WDR72: variants seen among roughly 807,000 people sequenced by gnomAD.
WDR72 encodes the protein WD repeat domain 72, also known as WD repeat-containing protein 72.
Under a neutral mutation model 124.2 loss-of-function variants are expected in WDR72, and 120 were observed. The ratio of observed to expected loss-of-function variants is 0.97; its 90% CI spans 0.83 to 1.12. The LOEUF (loss-of-function observed/expected upper bound fraction) is 1.12. Ranked by LOEUF, WDR72 falls within the 50% of genes most tolerant of loss-of-function variation. WDR72 has a pLI of 0.00. For synonymous variants in WDR72, 452 were observed against 441.7 expected (o/e 1.02, Z -0.29); for missense variants, 1,387 against 1,278.8 (o/e 1.08, Z -1.29).
intron 1 of WDR72, among the ~76,000 whole-genome samples, chr15:53,744,667 T>C (rs2018599173): frequency 6.6e-6 from 1 of 152,240 alleles, no homozygotes; most frequent in African/African-American, 2.4e-5. Flanking sequence ...TTTTCATTGT[T>C]TGATCCCTAG....
intron 2 of WDR72, among the ~76,000 whole-genome samples, chr15:53,723,235 T>C (rs2017928315): frequency 6.6e-6 from 1 of 152,028 alleles, no homozygotes; most frequent in African/African-American, 2.4e-5. Flanking sequence ...CCCTCAATAA[T>C]AGTAGCACAT....
chr15:53,671,714 G>A (rs1174425373), intron 13 of WDR72, among the ~76,000 whole-genome samples: 4 of 152,176 alleles, frequency 2.6e-5, no homozygotes, highest in African/African-American at 9.7e-5. Context: ...GCCTGTCCCA[G>A]CTTTCAGCAA....
At chr15:53,748,696 C>T (rs1263291237) in intron 1 of WDR72, among the ~76,000 whole-genome samples, 1 of 152,126 alleles carries the variant, frequency 6.6e-6, no homozygotes, top group African/African-American at 2.4e-5. Context: ...CTCATTACTT[C>T]AACATTCCAT....
chr15:53,659,275 T>C (rs1347528424), intron 14 of WDR72, among the ~76,000 whole-genome samples: 1 of 152,180 alleles, frequency 6.6e-6, no homozygotes, highest in East Asian at 1.9e-4. Flanking sequence ...CTTGACAACA[T>C]TAATATGGAT....
chr15:53,692,424 T>C (rs2140505960), intron 13 of WDR72, among the ~76,000 whole-genome samples: 1 of 152,296 alleles, frequency 6.6e-6, no homozygotes, highest in South Asian at 2.1e-4. Flanking sequence ...CAGTAATTCA[T>C]GAAGGATTTA....
intron 18 of WDR72, among the ~76,000 whole-genome samples, chr15:53,555,105 T>C (rs1177159460): frequency 6.6e-6 from 1 of 152,026 alleles, no homozygotes; most frequent in East Asian, 1.9e-4. Context: ...GATTTAATGA[T>C]TCATCTGAGA....
chr15:53,610,125 G>A (rs1388156821), intron 16 of WDR72, among the ~76,000 whole-genome samples: 3 of 151,950 alleles, frequency 2.0e-5, no homozygotes, highest in Non-Finnish European at 1.5e-5. Context: ...GAGCACTACT[G>A]TTTTAATTTA....
At chr15:53,711,271 T>C (rs550750372) in intron 8 of WDR72, 65 bp downstream of exon 8, 206 of 1,610,368 alleles carry the variant, frequency 1.3e-4, no homozygotes, top group Non-Finnish European at 1.6e-4. Context: ...GATTTTTCCA[T>C]AATAAACCTC....
In WDR72 at chr15:53,517,541, T is replaced by TA. The variant is rs1349061423; in HGVS notation, c.*157dup. On this transcript the variant is annotated 3_prime_UTR_variant, in exon 20 of 20. Transcript: ENST00000360509. ...GTATTGCATTGTAATCAGCATGTAT[T>TA]AAAATCACTTTAATACATGTTGGCT... 2.7e-6 allele frequency: 2 copies of TA among 738,310 alleles called. No individual in the cohort carries two copies. Among genetic ancestry groups the TA allele is most frequent in the Non-Finnish European group, 2.4e-6 (1 of 415,918 alleles). 45.7% of individuals were successfully genotyped at this position (738,310 alleles called of 1,614,324 possible).
intron 13 of WDR72, among the ~76,000 whole-genome samples, chr15:53,668,963 AGG>A (rs2015883412): frequency 3.9e-5 from 1 of 25,360 alleles, no homozygotes; most frequent in African/African-American, 7.5e-5. Context: ...GAGGAGGAGA[AGG>A]AGGAGGAGGA....
At chr15:53,539,419 A>G (rs989110934) in intron 18 of WDR72, among the ~76,000 whole-genome samples, 2 of 152,122 alleles carry the variant, frequency 1.3e-5, no homozygotes, top group African/African-American at 2.4e-5. Context: ...AGGGATATGG[A>G]GAGTGCATAA....
At chr15:53,591,685 AACACACACACACACAC>A (rs67873847) in intron 18 of WDR72, among the ~76,000 whole-genome samples, 39,535 of 148,926 alleles carry the variant, frequency 0.27, 5,597 homozygotes, top group Admixed American at 0.36. Flanking sequence ...CAACACACAC[AACACACACACACACAC>A]ACACACACAC....
chr15:53,597,055 T>C (rs758485466), intron 18 of WDR72, 24 bp downstream of exon 18: 1 of 1,610,382 alleles, frequency 6.2e-7, no homozygotes. Flanking sequence ...GTTGAAAGAG[T>C]ATACCAATAA....
intron 3 of WDR72, among the ~76,000 whole-genome samples, chr15:53,722,293 C>T (rs112619800): frequency 0.013 from 1,932 of 152,138 alleles, 43 homozygotes; most frequent in African/African-American, 0.044. Context: ...ACTCAGCCTC[C>T]GAAAGTGCTG....
intron 18 of WDR72, among the ~76,000 whole-genome samples, chr15:53,532,656 G>T (rs1026891688): frequency 3.3e-5 from 5 of 152,182 alleles, no homozygotes; most frequent in African/African-American, 9.6e-5. Context: ...GGAAGCGGGG[G>T]ATAAGAAGGG....
At chr15:53,711,564 T>A in intron 7 of WDR72, 83 bp from the exon 8 acceptor site, 1 of 1,399,494 alleles carries the variant, frequency 7.1e-7, no homozygotes, top group East Asian at 2.4e-5. Flanking sequence ...ATAGTAATAA[T>A]ATAACAACAT....
At chr15:53,670,841 G>T (rs1045120432) in intron 13 of WDR72, among the ~76,000 whole-genome samples, 1 of 152,092 alleles carries the variant, frequency 6.6e-6, no homozygotes, top group Non-Finnish European at 1.5e-5. Context: ...CTGCTTGTGA[G>T]CTGATTAACA....
rs1891889843 is a variant in WDR72 at position 53,523,146 on chromosome 15, C to T, written c.3253+72G>A. On this transcript the variant is annotated intron_variant, in intron 19 of 19. Transcript: ENST00000360509. ...AGCATTACAATGTCCTCTCCCCTCA[C>T]CCCCTTCCAAGGACCCCAAAGCTGT... 3 of 1,409,478 alleles carry T rather than the reference C, an allele frequency of 2.1e-6. No homozygotes were observed. The Admixed American group carries it at 5.0e-5, about 24-fold the overall frequency. The allele number at this position is 1,409,478 out of a possible 1,614,324, so 87.3% of individuals were successfully genotyped here. A position where few individuals can be genotyped will look rare whatever the true frequency, so the allele number is the denominator to read the frequency against.
intron 1 of WDR72, among the ~76,000 whole-genome samples, chr15:53,745,506 C>A (rs1384978411): frequency 6.6e-6 from 1 of 151,956 alleles, no homozygotes; most frequent in African/African-American, 2.4e-5. Flanking sequence ...TGACTCCAAG[C>A]CAAATTAGGG....
Sources: gnomAD v4.1 joint callset for allele counts (sites outside exome capture counted in the v4.1 genomes callset) on GRCh38, gnomAD v4.1.1 for gene constraint, MANE v1.5 for transcripts, NCBI Gene and HGNC (gene_info 2026-07-23, HGNC 2026-07-21) for gene names.